Variants in CECR2 observed in about 807,000 individuals in gnomAD.
The protein encoded by CECR2 is CECR2 histone acetyl-lysine reader.
CECR2 carries 30 observed loss-of-function variants against 154.5 expected under a neutral mutation model. The ratio of observed to expected loss-of-function variants is 0.19; its 90% CI spans 0.15 to 0.26. The LOEUF is 0.26. CECR2 is among the 10% of genes least tolerant of loss of function. CECR2 has a pLI of 1.00. For missense variants in CECR2, 1,743 were observed against 1,829.3 expected, an observed-to-expected ratio of 0.95 and a Z score of 0.86; for synonymous variants, 725 against 683.7, an observed-to-expected ratio of 1.06 and a Z score of -0.94.
intron 8 of CECR2, among the ~76,000 whole-genome samples, chr22:17,512,492 C>CA (rs2055975392): frequency 6.6e-6 from 1 of 152,004 alleles, no homozygotes; most frequent in Non-Finnish European, 1.5e-5. Flanking sequence ...TTCTTGTACT[C>CA]ACGAGTTCAA....
At chr22:17,475,129 G>A (rs190319002) in intron 1 of CECR2, among the ~76,000 whole-genome samples, 2 of 152,120 alleles carry the variant, frequency 1.3e-5, no homozygotes, top group Non-Finnish European at 2.9e-5. Context: ...GGAGCAGCGT[G>A]GGGGAGCTTG....
rs1601489893 is a variant in CECR2 at position 17,511,855 on chromosome 22, T to C, written c.913T>C (p.Trp305Arg). 1 of 1,611,848 alleles carries C rather than the reference T, an allele frequency of 6.2e-7. No individual in the cohort carries two copies. The highest frequency in any genetic ancestry group is 1.7e-4 in the Middle Eastern group (1 of 6,050). ...CACAAAGGCAGAGTTGCATCCTAGG[T>C]GGATGTCTGACCACCTGTCCATCAA... is the stretch of plus-strand genomic sequence containing the variant. ...QRTKAELHPR[W>R]MSDHLSIKPV... The change falls in exon 8 of 19, where the codon TGG becomes CGG. Residue 305 changes from tryptophan (W) to arginine (R), a missense_variant. Around this residue, in one of 4 missense-constraint regions of CECR2, gnomAD observed 292 missense variants for 301.2 expected, o/e 0.97. Transcript: ENST00000262608.
chr22:17,417,936 T>A (rs1255995235), intron 1 of CECR2, among the ~76,000 whole-genome samples: 1 of 152,118 alleles, frequency 6.6e-6, no homozygotes, highest in African/African-American at 2.4e-5. Context: ...TTTTAAATTT[T>A]CCGCTTTTGA....
rs2056647145 is a variant in CECR2 at position 17,548,329 on chromosome 22, C to T, written c.3042C>T (p.Asp1014=). 1.2e-6 allele frequency: 2 copies of T among 1,611,886 alleles called. No homozygotes were observed. The highest frequency in any genetic ancestry group is 1.7e-6 in the Non-Finnish European group (2 of 1,179,040). ...AAAGCAGCTCCTCCGAATCTGCGGA[C>T]AACTGTAAAGCAATGAAGGGCAAGA... ...ELKSSSSESA[D]NCKAMKGKNP... is the part of the protein sequence containing the mutation. The change falls in exon 17 of 19, where the codon GAC becomes GAT. Residue 1014 remains aspartate (D), a synonymous_variant. Transcript: ENST00000262608.
intron 1 of CECR2, among the ~76,000 whole-genome samples, chr22:17,428,012 C>T (rs149837116): frequency 0.067 from 10,248 of 152,156 alleles, 939 homozygotes; most frequent in East Asian, 0.36. Flanking sequence ...TTTTAATGAT[C>T]GCCATTCTAA....
chr22:17,386,713 G>A (rs2063266286), intron 1 of CECR2, among the ~76,000 whole-genome samples: 1 of 151,630 alleles, frequency 6.6e-6, no homozygotes, highest in African/African-American at 2.4e-5. Context: ...TGCAATGGCG[G>A]GATCTCAGCT....
At chr22:17,422,738 A>G (rs1489972339) in intron 1 of CECR2, among the ~76,000 whole-genome samples, 1 of 141,302 alleles carries the variant, frequency 7.1e-6, no homozygotes, top group Non-Finnish European at 1.5e-5. Flanking sequence ...TTCAGTTTGT[A>G]TTGATACATC....
intron 2 of CECR2, among the ~76,000 whole-genome samples, chr22:17,479,645 A>G (rs1317326928): frequency 6.6e-6 from 1 of 151,992 alleles, no homozygotes; most frequent in Non-Finnish European, 1.5e-5. Context: ...TCTTCCAGAT[A>G]GTGGTTACAA....
chr22:17,544,932 A>G (rs1243127381), intron 16 of CECR2, among the ~76,000 whole-genome samples: 1 of 151,286 alleles, frequency 6.6e-6, no homozygotes, highest in East Asian at 1.9e-4. Context: ...TGATTGCACC[A>G]CTGTACTCCA....
intron 1 of CECR2, among the ~76,000 whole-genome samples, chr22:17,374,833 G>A (rs1252997242): frequency 6.6e-6 from 1 of 152,172 alleles, no homozygotes; most frequent in African/African-American, 2.4e-5. Context: ...CACAGATGTG[G>A]AAGTTGAAAG....
chr22:17,505,089 G>A, intron 7 of CECR2, 73 bp downstream of exon 7: 4 of 1,432,382 alleles, frequency 2.8e-6, no homozygotes, highest in Non-Finnish European at 3.8e-6. Context: ...TTATTCATGA[G>A]ACCTTCCCCA....
intron 8 of CECR2, among the ~76,000 whole-genome samples, chr22:17,513,841 CAGACTGCATAGCAGGCTGAATAGACTGA>C (rs1344606669): frequency 6.6e-6 from 1 of 152,218 alleles, no homozygotes; most frequent in Non-Finnish European, 1.5e-5. Flanking sequence ...CTTAACACTT[CAGACTGCATAGCAGGCTGAATAGACTGA>C]AACGTCCTTC....
intron 1 of CECR2, among the ~76,000 whole-genome samples, chr22:17,469,673 A>G (rs956416310): frequency 3.4e-5 from 5 of 147,412 alleles, no homozygotes; most frequent in Non-Finnish European, 7.4e-5. Flanking sequence ...TAATTGTCCT[A>G]CCTTTCCAGA....
At position 17,477,221 on chromosome 22, in the gene CECR2, G is replaced by A. The variant is rs777102697; in HGVS notation, c.127-367G>A. On this transcript the variant is annotated intron_variant, in intron 1 of 18. Transcript: ENST00000262608. ...TGAGCACTCCTTTCCTCTCTTTTGC[G>A]ATTAAAATAGCAGTACAGCACATTT... 347 of 699,564 alleles carry A rather than the reference G, an allele frequency of 5.0e-4. 1 individual carries two copies. The highest frequency in any genetic ancestry group is 3.9e-3 in the Middle Eastern group (15 of 3,874). 43.3% of individuals were successfully genotyped at this position (699,564 alleles called of 1,614,324 possible).
At chr22:17,429,296 C>G (rs1316410846) in intron 1 of CECR2, among the ~76,000 whole-genome samples, 1 of 151,964 alleles carries the variant, frequency 6.6e-6, no homozygotes, top group Non-Finnish European at 1.5e-5. Context: ...TATAGTATTA[C>G]AAGGACTAGA....
rs1044701561 is a variant in CECR2, at chr22:17,537,209, A to C, written c.1215A>C (p.Arg405Ser). The C allele has an allele frequency of 6.2e-7, 1 of 1,613,856 alleles. No homozygotes were observed. The highest frequency in any genetic ancestry group is 1.7e-5 in the Admixed American group (1 of 60,002). The change falls in exon 10 of 19, where the codon AGA becomes AGC. Residue 405 changes from arginine (R) to serine (S), a missense_variant. Arg to Ser is a moderately radical substitution (Grantham distance 110, BLOSUM62 -1). This residue lies in a region of CECR2 where 292 missense variants were observed against 301.2 expected (regional missense o/e 0.97). Coordinates refer to ENST00000262608, the MANE Select transcript of CECR2 (RefSeq NM_001290047.2). ...LSHLDPNSPM[R>S]EEKKTKDLFE... The stretch of plus-strand genomic sequence containing the variant: ...ATCTGGACCCCAATTCCCCCATGAG[A>C]GAGGAAAAAAAGACTAAAGACCTGT...
At chr22:17,405,639 C>CAAAA (rs58874516) in intron 1 of CECR2, among the ~76,000 whole-genome samples, 2 of 72,332 alleles carry the variant, frequency 2.8e-5, no homozygotes, top group Non-Finnish European at 5.3e-5. Flanking sequence ...GACTCCATCT[C>CAAAA]AAAAAAAAAA....
At position 17,496,507 on chromosome 22, in the gene CECR2, A is replaced by G. The variant is rs147079492; in HGVS notation, c.222-896A>G. Among the ~76,000 whole-genome samples, 840 of 152,148 alleles carry G rather than the reference A, an allele frequency of 5.5e-3. 25 individuals are homozygous for G. The East Asian group carries it at 0.1, about 19-fold the overall frequency. On this transcript the variant is annotated intron_variant, in intron 2 of 18. Coordinates refer to ENST00000262608, the MANE Select transcript of CECR2 (RefSeq NM_001290047.2). ...AGAGCGAGACTCTGTCTCAAAAAAA[A>G]AAAGAAAGAAAGAAAAATCAAAGAA...
At chr22:17,551,762 C>T (rs2056711495) in intron 17 of CECR2, among the ~76,000 whole-genome samples, 1 of 151,900 alleles carries the variant, frequency 6.6e-6, no homozygotes, top group Non-Finnish European at 1.5e-5. Flanking sequence ...CCTGCCACTA[C>T]ATTCTAACAG....
Sources: allele counts gnomAD v4.1 joint callset (sites outside exome capture counted in the v4.1 genomes callset), GRCh38; gene constraint gnomAD v4.1.1; regional missense constraint gnomAD v4.1.1; transcripts MANE v1.5; gene names NCBI Gene and HGNC (gene_info 2026-07-23, HGNC 2026-07-21).